BCKDHB: variants seen among roughly 807,000 people sequenced by gnomAD.
The protein encoded by BCKDHB is 2-oxoisovalerate dehydrogenase subunit beta, mitochondrial.
In BCKDHB, 41 loss-of-function variants were observed where a neutral mutation model predicts 48.5. The ratio of observed to expected loss-of-function variants is 0.85; its 90% confidence interval spans 0.66 to 1.10. BCKDHB has a LOEUF of 1.10. Among genes scored for constraint, BCKDHB ranks in the 50% least tolerant of loss-of-function variants. The probability of loss-of-function intolerance (pLI) is 0.00; values close to 1 mark genes in which losing one functional copy is unlikely to be tolerated. For synonymous variants in BCKDHB, 201 were observed against 174.8 expected, an observed-to-expected ratio of 1.15 and a Z score of -1.18; for missense variants, 496 against 494.2, an observed-to-expected ratio of 1.00 and a Z score of -0.03.
intron 6 of BCKDHB, among the ~76,000 whole-genome samples, chr6:80,180,188 C>T (rs1008400904): frequency 6.6e-6 from 1 of 152,150 alleles, no homozygotes; most frequent in Non-Finnish European, 1.5e-5. Flanking sequence ...TTTATTTCTC[C>T]TTATTTTGAA....
intron 9 of BCKDHB, among the ~76,000 whole-genome samples, chr6:80,339,259 CTT>C (rs933742265): frequency 9.2e-5 from 14 of 152,240 alleles, no homozygotes; most frequent in Admixed American, 7.2e-4. Context: ...TTGACGTACT[CTT>C]AATTTTTAAA....
chr6:80,219,049 C>G (rs1459748347), intron 8 of BCKDHB, among the ~76,000 whole-genome samples: 5 of 151,898 alleles, frequency 3.3e-5, no homozygotes, highest in Admixed American at 3.3e-4. Flanking sequence ...CAATGTCTTG[C>G]CACATTCTGA....
intron 6 of BCKDHB, among the ~76,000 whole-genome samples, chr6:80,181,521 C>G (rs1773412167): frequency 1.3e-5 from 2 of 152,148 alleles, no homozygotes; most frequent in African/African-American, 4.8e-5. Context: ...CTGGTCTTGT[C>G]TAGGCTTCCT....
intron 7 of BCKDHB, among the ~76,000 whole-genome samples, chr6:80,201,645 TG>T (rs1282187125): frequency 6.6e-6 from 1 of 152,146 alleles, no homozygotes; most frequent in Non-Finnish European, 1.5e-5. Flanking sequence ...ACCCATCCAC[TG>T]GTCAAGCCTC....
chr6:80,418,576 G>A, the BCKDHB span, among the ~76,000 whole-genome samples: 1 of 152,202 alleles, frequency 6.6e-6, no homozygotes, highest in Non-Finnish European at 1.5e-5. Flanking sequence ...GCTTCCAACT[G>A]CTGAACTGTG....
At chr6:80,236,558 C>A (rs181107913) in intron 8 of BCKDHB, among the ~76,000 whole-genome samples, 2 of 152,290 alleles carry the variant, frequency 1.3e-5, no homozygotes, top group East Asian at 1.9e-4. Context: ...CACTGTACAG[C>A]TATTTCAAAT....
chr6:80,247,763 T>C (rs1164823142), intron 8 of BCKDHB, among the ~76,000 whole-genome samples: 8 of 152,200 alleles, frequency 5.3e-5, no homozygotes, highest in African/African-American at 9.6e-5. Flanking sequence ...AGTCCAGAAA[T>C]AGCAGCTCTT....
intron 1 of BCKDHB, among the ~76,000 whole-genome samples, chr6:80,126,919 T>C (rs1770372709): frequency 6.6e-6 from 1 of 152,206 alleles, no homozygotes; most frequent in South Asian, 2.1e-4. Flanking sequence ...GGTACTGTTC[T>C]GAGTGTATTA....
intron 9 of BCKDHB, among the ~76,000 whole-genome samples, chr6:80,326,603 C>T (rs1292445060): frequency 6.6e-6 from 1 of 152,126 alleles, no homozygotes; most frequent in African/African-American, 2.4e-5. Flanking sequence ...GAGTAAGTTA[C>T]TTGGCCAGGC....
At chr6:80,190,659 C>A (rs997176388) in intron 6 of BCKDHB, among the ~76,000 whole-genome samples, 17 of 152,138 alleles carry the variant, frequency 1.1e-4, no homozygotes, top group Admixed American at 2.0e-4. Context: ...AGTTTTATTT[C>A]ATAAAAGGTG....
intron 9 of BCKDHB, among the ~76,000 whole-genome samples, chr6:80,294,798 C>T (rs771107813): frequency 7.2e-5 from 11 of 152,046 alleles, no homozygotes; most frequent in Non-Finnish European, 1.3e-4. Context: ...TTTATCAAGA[C>T]AACACATGCA....
At chr6:80,108,559 TAAA>T (rs35042481) in intron 1 of BCKDHB, among the ~76,000 whole-genome samples, 52,806 of 137,272 alleles carry the variant, frequency 0.38, 11,336 homozygotes, top group Admixed American at 0.57. Flanking sequence ...GGATAAAAAG[TAAA>T]AAAAAAAAAA....
chr6:80,361,528 C>G, the BCKDHB span, among the ~76,000 whole-genome samples: 1 of 152,180 alleles, frequency 6.6e-6, no homozygotes, highest in African/African-American at 2.4e-5. Context: ...TGGATGTGTT[C>G]TCCTTTAGTG....
the BCKDHB span, among the ~76,000 whole-genome samples, chr6:80,365,536 A>G: frequency 1.3e-5 from 2 of 152,158 alleles, no homozygotes; most frequent in South Asian, 2.1e-4. Flanking sequence ...GAAGAAAAAT[A>G]TGGCTCTTTT....
At chr6:80,219,214 T>G (rs944853181) in intron 8 of BCKDHB, among the ~76,000 whole-genome samples, 1 of 152,048 alleles carries the variant, frequency 6.6e-6, no homozygotes, top group South Asian at 2.1e-4. Context: ...TTTTTTTTTT[T>G]TCTTTTTTTG....
At chr6:80,227,489 A>G (rs1276155934) in intron 8 of BCKDHB, among the ~76,000 whole-genome samples, 3 of 152,208 alleles carry the variant, frequency 2.0e-5, no homozygotes, top group African/African-American at 4.8e-5. Context: ...TAGTGGATGA[A>G]TTATGCTCAC....
At chr6:80,193,588 C>T (rs776433366) in intron 6 of BCKDHB, among the ~76,000 whole-genome samples, 70 of 151,984 alleles carry the variant, frequency 4.6e-4, no homozygotes, top group Admixed American at 1.1e-3. Flanking sequence ...GGTGTGGTGG[C>T]GGGCACCTGT....
chr6:80,438,477 T>C, the BCKDHB span, among the ~76,000 whole-genome samples: 1 of 152,168 alleles, frequency 6.6e-6, no homozygotes, highest in Non-Finnish European at 1.5e-5. Context: ...TTTCACTAAG[T>C]AGAACCAAAA....
chr6:80,220,217 T>G (rs1263949688), intron 8 of BCKDHB, among the ~76,000 whole-genome samples: 1 of 151,800 alleles, frequency 6.6e-6, no homozygotes, highest in Admixed American at 6.6e-5. Context: ...ATTTCCTTTA[T>G]TGTATCATTT....
Sources: gnomAD v4.1 joint callset for allele counts (sites outside exome capture counted in the v4.1 genomes callset) on GRCh38, gnomAD v4.1.1 for gene constraint, MANE v1.5 for transcripts, NCBI Gene and HGNC (gene_info 2026-07-23, HGNC 2026-07-21) for gene names.